Variants in RNLS observed in about 807,000 individuals in gnomAD.
The protein encoded by RNLS is renalase.
Under a neutral mutation model 39.8 loss-of-function variants are expected in RNLS, and 39 were observed. The ratio of observed to expected loss-of-function variants is 0.98; its 90% CI spans 0.76 to 1.28. The LOEUF (loss-of-function observed/expected upper bound fraction) is 1.28. Ranked by LOEUF, RNLS falls within the 50% of genes most tolerant of loss-of-function variation. The pLI is 0.00. For synonymous variants in RNLS, 147 were observed against 150.7 expected (o/e 0.98, Z 0.18); for missense variants, 410 against 413.3 (o/e 0.99, Z 0.07).
the RNLS span, among the ~76,000 whole-genome samples, chr10:88,244,646 C>T: frequency 2.0e-5 from 3 of 151,258 alleles, no homozygotes; most frequent in South Asian, 2.1e-4. Context: ...AATCAAGAGA[C>T]TTGGCTTTTC....
chr10:88,562,264 G>A (rs758470706), intron 4 of RNLS, among the ~76,000 whole-genome samples: 2 of 151,714 alleles, frequency 1.3e-5, no homozygotes, highest in Admixed American at 1.3e-4. Context: ...ATTTAATAGA[G>A]AAAAAAACTG....
intron 4 of RNLS, among the ~76,000 whole-genome samples, chr10:88,511,747 A>T (rs1484038524): frequency 6.6e-6 from 1 of 152,196 alleles, no homozygotes; most frequent in East Asian, 1.9e-4. Context: ...TCTACACTCA[A>T]ATGCTCCAGG....
chr10:88,370,678 A>T (rs2133427044), intron 4 of RNLS, among the ~76,000 whole-genome samples: 1 of 152,312 alleles, frequency 6.6e-6, no homozygotes, highest in Non-Finnish European at 1.5e-5. Context: ...TTGTGGGTAC[A>T]CAAGGACAAT....
At chr10:88,171,655 A>G in the RNLS span, among the ~76,000 whole-genome samples, 1 of 152,244 alleles carries the variant, frequency 6.6e-6, no homozygotes, top group Non-Finnish European at 1.5e-5. Context: ...TTACATATCC[A>G]TAACTTCAAA....
At chr10:88,381,020 C>T (rs916088760) in intron 4 of RNLS, among the ~76,000 whole-genome samples, 6 of 152,096 alleles carry the variant, frequency 3.9e-5, no homozygotes, top group South Asian at 2.1e-4. Flanking sequence ...TACAAAAGTG[C>T]CATTTTATTT....
chr10:88,545,551 A>G (rs894240414), intron 4 of RNLS: 18 of 433,384 alleles, frequency 4.2e-5, no homozygotes, highest in Non-Finnish European at 6.5e-5. Flanking sequence ...AGCACGGGAA[A>G]AACCTGCCCC....
At chr10:88,268,457 T>C in the RNLS span, among the ~76,000 whole-genome samples, 1 of 152,280 alleles carries the variant, frequency 6.6e-6, no homozygotes, top group South Asian at 2.1e-4. Context: ...AACCATGCAA[T>C]AGGACCATGT....
the RNLS span, among the ~76,000 whole-genome samples, chr10:88,246,618 C>T: frequency 1.3e-5 from 2 of 151,886 alleles, no homozygotes; most frequent in Non-Finnish European, 2.9e-5. Context: ...TATATAAATC[C>T]CGCTTTTTTT....
the RNLS span, among the ~76,000 whole-genome samples, chr10:88,233,410 A>G: frequency 1.3e-5 from 2 of 152,190 alleles, no homozygotes; most frequent in Non-Finnish European, 2.9e-5. Flanking sequence ...GCAGGGCCTG[A>G]GTTGAAATGT....
chr10:88,572,983 C>A lies in RNLS; in HGVS notation c.446G>T (p.Gly149Val), dbSNP rs770586997. 1.4e-5 allele frequency: 22 copies of A among 1,614,006 alleles called. No homozygotes were observed. Among genetic ancestry groups the A allele is most frequent in the Non-Finnish European group, 1.9e-5 (22 of 1,179,912 alleles). ...DDKWEVSKQTGSPEQFDLIVL... is the reference protein window; with the variant it reads ...DDKWEVSKQTVSPEQFDLIVL... Reference sequence around the variant, plus strand: ...AATAAGATCAAACTGCTCAGGGGAGCCTGTTTGTTTGGATACTTCCCATTT... The same window carrying A: ...AATAAGATCAAACTGCTCAGGGGAGACTGTTTGTTTGGATACTTCCCATTT... Residue 149 changes from glycine to valine, a missense_variant, in exon 4 of 7, where the codon GGC (glycine) becomes GTC (valine). By Grantham distance (109) the Gly-to-Val change is moderately radical. Coordinates refer to ENST00000331772, the MANE Select transcript of RNLS (RefSeq NM_001031709.3).
At chr10:88,361,671 G>C (rs994942710) in intron 5 of RNLS, among the ~76,000 whole-genome samples, 10 of 152,142 alleles carry the variant, frequency 6.6e-5, no homozygotes, top group African/African-American at 2.4e-4. Context: ...CTCCAGCCCA[G>C]TTCTATCATT....
the RNLS span, among the ~76,000 whole-genome samples, chr10:88,260,057 G>GA: frequency 2.6e-5 from 4 of 151,952 alleles, no homozygotes; most frequent in African/African-American, 4.8e-5. Flanking sequence ...GACTTTTAAG[G>GA]AAAAAAAGAA....
intron 4 of RNLS, among the ~76,000 whole-genome samples, chr10:88,539,929 G>A (rs1847956350): frequency 6.6e-6 from 1 of 151,824 alleles, no homozygotes; most frequent in Non-Finnish European, 1.5e-5. Flanking sequence ...AAGATACTAT[G>A]CTATCACTTT....
chr10:88,501,460 A>G (rs1199643994), intron 4 of RNLS, among the ~76,000 whole-genome samples: 2 of 152,184 alleles, frequency 1.3e-5, no homozygotes, highest in Non-Finnish European at 2.9e-5. Context: ...TTTTACTTGA[A>G]CAATGAGGTG....
At chr10:88,173,046 G>C in the RNLS span, among the ~76,000 whole-genome samples, 1 of 151,236 alleles carries the variant, frequency 6.6e-6, no homozygotes, top group Admixed American at 6.6e-5. Context: ...TTTTAGTAGA[G>C]ACAGGGTTTC....
intron 4 of RNLS, among the ~76,000 whole-genome samples, chr10:88,500,961 T>C (rs1321033890): frequency 6.6e-6 from 1 of 151,988 alleles, no homozygotes; most frequent in South Asian, 2.1e-4. Context: ...GGGGGAAATA[T>C]ATAATGTGTG....
At chr10:88,531,116 C>T (rs1847395629) in intron 4 of RNLS, among the ~76,000 whole-genome samples, 1 of 152,068 alleles carries the variant, frequency 6.6e-6, no homozygotes, top group Non-Finnish European at 1.5e-5. Context: ...CCTAAAGCCA[C>T]TGGTCCCAAT....
chr10:88,273,397 G>A (rs1245100328), downstream of RNLS, among the ~76,000 whole-genome samples: 2 of 152,124 alleles, frequency 1.3e-5, no homozygotes, highest in South Asian at 4.1e-4. Flanking sequence ...ATACTCACTT[G>A]ATGTTTTTTA....
chr10:88,513,353 T>A (rs1180632625), intron 4 of RNLS, among the ~76,000 whole-genome samples: 1 of 152,186 alleles, frequency 6.6e-6, no homozygotes, highest in Non-Finnish European at 1.5e-5. Context: ...AAGTAAACCA[T>A]GTCCCTGTGG....
Sources: gnomAD v4.1 joint callset for allele counts (sites outside exome capture counted in the v4.1 genomes callset) on GRCh38, gnomAD v4.1.1 for gene constraint, MANE v1.5 for transcripts, NCBI Gene and HGNC (gene_info 2026-07-23, HGNC 2026-07-21) for gene names.